Variants in GABRG3 observed in about 807,000 individuals in gnomAD.
GABRG3 encodes the protein gamma-aminobutyric acid receptor subunit gamma-3.
In GABRG3, 25 loss-of-function variants were observed where a neutral mutation model predicts 48.8. The observed-to-expected ratio is 0.51, with a 90% CI of 0.37 to 0.72. The LOEUF (loss-of-function observed/expected upper bound fraction) is 0.72. Among genes scored for constraint, GABRG3 ranks in the 30% least tolerant of loss-of-function variants. The probability of loss-of-function intolerance (pLI) is 0.00; values close to 1 mark genes in which losing one functional copy is unlikely to be tolerated. For synonymous variants in GABRG3, 227 were observed against 217.6 expected, an observed-to-expected ratio of 1.04 and a Z score of -0.38; for missense variants, 394 against 577.9, an observed-to-expected ratio of 0.68 and a Z score of 3.26.
At chr15:27,095,705 A>G (rs1448518976) in intron 3 of GABRG3, among the ~76,000 whole-genome samples, 1 of 151,886 alleles carries the variant, frequency 6.6e-6, no homozygotes, top group Non-Finnish European at 1.5e-5. Flanking sequence ...TTCTCTTTGG[A>G]TGTTGTGCTC....
intron 5 of GABRG3, among the ~76,000 whole-genome samples, chr15:27,424,156 G>A (rs564698097): frequency 2.0e-5 from 3 of 152,050 alleles, no homozygotes; most frequent in Non-Finnish European, 4.4e-5. Flanking sequence ...GGGTCCCTGG[G>A]CCACTTCAGC....
intron 3 of GABRG3, among the ~76,000 whole-genome samples, chr15:27,278,803 A>AGT (rs551989869): frequency 1.3e-4 from 20 of 152,274 alleles, no homozygotes; most frequent in Admixed American, 1.3e-3. Context: ...AAAAGCCAAG[A>AGT]GTGTAATTTC....
chr15:27,108,482 A>C (rs1897488952), intron 3 of GABRG3, among the ~76,000 whole-genome samples: 1 of 152,188 alleles, frequency 6.6e-6, no homozygotes. Flanking sequence ...ATTAAGATAT[A>C]CATTATGGTC....
At chr15:27,238,316 C>A (rs1357065059) in intron 3 of GABRG3, among the ~76,000 whole-genome samples, 6 of 152,230 alleles carry the variant, frequency 3.9e-5, no homozygotes, top group South Asian at 4.1e-4. Context: ...CTAACGCCCA[C>A]CGGCCAGAGG....
chr15:26,986,342 C>T (rs1378139154), intron 2 of GABRG3, among the ~76,000 whole-genome samples: 2 of 152,168 alleles, frequency 1.3e-5, no homozygotes, highest in Non-Finnish European at 1.5e-5. Context: ...AATTCAAATG[C>T]ATAAGGGAGG....
chr15:27,096,838 CTTTT>C (rs34613626), intron 3 of GABRG3, among the ~76,000 whole-genome samples: 12 of 126,130 alleles, frequency 9.5e-5, no homozygotes, highest in African/African-American at 1.8e-4. Flanking sequence ...TTCTTTCTAT[CTTTT>C]TTTTTTTTTT....
At chr15:27,200,235 G>T (rs1016556626) in intron 3 of GABRG3, among the ~76,000 whole-genome samples, 1 of 152,178 alleles carries the variant, frequency 6.6e-6, no homozygotes, top group Non-Finnish European at 1.5e-5. Context: ...TGCAGCTGTT[G>T]ACCTGTTAAC....
intron 3 of GABRG3, among the ~76,000 whole-genome samples, chr15:27,192,123 G>C (rs1424995889): frequency 1.3e-5 from 2 of 152,078 alleles, no homozygotes; most frequent in Non-Finnish European, 2.9e-5. Flanking sequence ...TCCCTTTGAG[G>C]GTAACCCGAC....
intron 5 of GABRG3, among the ~76,000 whole-genome samples, chr15:27,458,109 G>T (rs1253798899): frequency 6.6e-6 from 1 of 152,018 alleles, no homozygotes; most frequent in Admixed American, 6.5e-5. Context: ...TCAGCTGTGT[G>T]GCACATGCTG....
intron 3 of GABRG3, among the ~76,000 whole-genome samples, chr15:27,052,994 C>T (rs751513967): frequency 2.6e-5 from 4 of 152,120 alleles, no homozygotes; most frequent in Non-Finnish European, 5.9e-5. Flanking sequence ...CTACATATCA[C>T]CATATACAAA....
intron 2 of GABRG3, among the ~76,000 whole-genome samples, chr15:26,995,187 A>T (rs1269145731): frequency 6.6e-6 from 1 of 152,014 alleles, no homozygotes; most frequent in African/African-American, 2.4e-5. Context: ...TAGGCTGTTT[A>T]TCAATATGAA....
chr15:27,193,763 T>G (rs1393716571), intron 3 of GABRG3, among the ~76,000 whole-genome samples: 4 of 152,204 alleles, frequency 2.6e-5, no homozygotes, highest in Admixed American at 1.3e-4. Flanking sequence ...CCTAGTGAGA[T>G]GAACCCGGTA....
chr15:27,067,795 A>G (rs1444736611), intron 3 of GABRG3, among the ~76,000 whole-genome samples: 1 of 152,132 alleles, frequency 6.6e-6, no homozygotes, highest in Non-Finnish European at 1.5e-5. Context: ...GCTATCCTGT[A>G]CTAATCTCTT....
chr15:27,392,509 A>G (rs968618376), intron 5 of GABRG3, among the ~76,000 whole-genome samples: 5 of 152,164 alleles, frequency 3.3e-5, no homozygotes, highest in Non-Finnish European at 5.9e-5. Flanking sequence ...TATCAATGCA[A>G]CTTGTCACCT....
chr15:27,298,844 AC>A (rs1171311031), intron 3 of GABRG3, among the ~76,000 whole-genome samples: 8 of 145,730 alleles, frequency 5.5e-5, no homozygotes, highest in African/African-American at 2.0e-4. Flanking sequence ...CTAGCCCCCC[AC>A]CCCCCAACAG....
intron 5 of GABRG3, among the ~76,000 whole-genome samples, chr15:27,480,011 C>T (rs901395289): frequency 3.3e-5 from 5 of 152,304 alleles, no homozygotes; most frequent in South Asian, 2.1e-4. Flanking sequence ...CCCGCAGGAG[C>T]GGGACAGAGC....
chr15:27,528,710 A>G (rs1891344687), intron 9 of GABRG3, among the ~76,000 whole-genome samples: 1 of 151,772 alleles, frequency 6.6e-6, no homozygotes, highest in South Asian at 2.1e-4. Context: ...TATTGACAAT[A>G]TTGTCACTCG....
intron 5 of GABRG3, among the ~76,000 whole-genome samples, chr15:27,338,995 C>T (rs76503259): frequency 0.054 from 8,215 of 152,232 alleles, 432 homozygotes; most frequent in African/African-American, 0.14. Context: ...ACTAATGAGG[C>T]GGCCCACTGC....
At chr15:27,437,912 G>A (rs1888667392) in intron 5 of GABRG3, among the ~76,000 whole-genome samples, 1 of 152,112 alleles carries the variant, frequency 6.6e-6, no homozygotes, top group Non-Finnish European at 1.5e-5. Flanking sequence ...GAGAGAGGAG[G>A]AGGTTCCAGG....
Sources: allele counts gnomAD v4.1 joint callset (sites outside exome capture counted in the v4.1 genomes callset), GRCh38; gene constraint gnomAD v4.1.1; transcripts MANE v1.5; gene names NCBI Gene and HGNC (gene_info 2026-07-23, HGNC 2026-07-21).